AGBL4: variants seen among roughly 807,000 people sequenced by gnomAD.
AGBL4 encodes AGBL carboxypeptidase 4, also known as cytosolic carboxypeptidase 6.
Under a neutral mutation model 66.4 loss-of-function variants are expected in AGBL4, and 58 were observed. That is an observed-to-expected ratio of 0.87 (90% CI 0.71 to 1.09). AGBL4 has a LOEUF of 1.09. Ranked by LOEUF, AGBL4 falls within the 50% of genes least tolerant of loss-of-function variation. The probability of loss-of-function intolerance (pLI) is 0.00; values close to 1 mark genes in which losing one functional copy is unlikely to be tolerated. For synonymous variants in AGBL4, 234 were observed against 222.9 expected (o/e 1.05, Z -0.44); for missense variants, 579 against 631.0 (o/e 0.92, Z 0.88).
At position 48,933,871 on chromosome 1, in the gene AGBL4, C is replaced by A. The variant is rs577677005; in HGVS notation, c.595-66641G>T. Among the ~76,000 whole-genome samples the A allele has an allele frequency of 2.6e-5, 4 of 152,330 alleles. 1 individual carries two copies. Among genetic ancestry groups the A allele is most frequent in the East Asian group, 1.9e-4 (1 of 5,178 alleles). On this transcript the variant is annotated intron_variant, in intron 5 of 13. Transcript: ENST00000371839. ...GTTTGGGACAGTGAAAAGAGTTGGA[C>A]TTTCTTTGCTTAAGCTCTGCCCTGT...
chr1:49,147,959 A>C (rs1646252472), intron 4 of AGBL4, among the ~76,000 whole-genome samples: 1 of 152,134 alleles, frequency 6.6e-6, no homozygotes, highest in Non-Finnish European at 1.5e-5. Context: ...ATCTTTCTGC[A>C]TCCTCAGAGG....
At chr1:48,848,019 T>A (rs1646957541) in intron 6 of AGBL4, among the ~76,000 whole-genome samples, 1 of 152,214 alleles carries the variant, frequency 6.6e-6, no homozygotes, top group African/African-American at 2.4e-5. Context: ...TCCTGCTCCA[T>A]ACCCTCTTTC....
At chr1:48,924,460 C>T (rs987239295) in intron 5 of AGBL4, among the ~76,000 whole-genome samples, 38 of 152,216 alleles carry the variant, frequency 2.5e-4, no homozygotes, top group Admixed American at 2.3e-3. Flanking sequence ...CCATGTCTTG[C>T]TCATCTCTGT....
chr1:49,083,142 T>C (rs1255362858), intron 4 of AGBL4, among the ~76,000 whole-genome samples: 1 of 152,202 alleles, frequency 6.6e-6, no homozygotes, highest in African/African-American at 2.4e-5. Flanking sequence ...GTGTTGAGTG[T>C]CTACAGCTTT....
chr1:48,633,327 T>A (rs1175483307), intron 9 of AGBL4, among the ~76,000 whole-genome samples: 1 of 152,192 alleles, frequency 6.6e-6, no homozygotes, highest in Non-Finnish European at 1.5e-5. Flanking sequence ...TTCAGGAAAT[T>A]TTCACTGGCA....
intron 2 of AGBL4, among the ~76,000 whole-genome samples, chr1:49,754,457 A>G (rs1651732502): frequency 6.6e-6 from 1 of 152,006 alleles, no homozygotes; most frequent in Admixed American, 6.6e-5. Flanking sequence ...TTTCTTCTGC[A>G]AGTCTGCTGG....
At chr1:49,122,847 T>C (rs1237302376) in intron 4 of AGBL4, among the ~76,000 whole-genome samples, 2 of 152,072 alleles carry the variant, frequency 1.3e-5, no homozygotes, top group African/African-American at 4.8e-5. Context: ...AGCTACTATA[T>C]TGTTTGTTTG....
intron 6 of AGBL4, among the ~76,000 whole-genome samples, chr1:48,762,149 G>A (rs971108812): frequency 2.6e-5 from 4 of 152,190 alleles, no homozygotes; most frequent in Non-Finnish European, 4.4e-5. Flanking sequence ...GCTTGCCCAC[G>A]GCATGAGTCT....
rs373970203 is a variant in AGBL4, at chr1:49,668,074, A to G, written c.282+29239T>C. Among the ~76,000 whole-genome samples the G allele has an allele frequency of 3.3e-4, 50 of 152,324 alleles. 1 individual carries two copies. In the South Asian group the frequency reaches 9.5e-3, roughly 29 times the overall value. ...TTCAATAAATGGTAGTGTGGTTATT[A>G]TCTATTAGTTTATACAGCTGAGTGA... On this transcript the variant is annotated intron_variant, in intron 3 of 13. Coordinates refer to ENST00000371839, the MANE Select transcript of AGBL4 (RefSeq NM_032785.4).
chr1:48,523,103 C>A, the AGBL4 span, among the ~76,000 whole-genome samples: 3 of 152,050 alleles, frequency 2.0e-5, no homozygotes, highest in Admixed American at 2.0e-4. Flanking sequence ...TCACCTACTT[C>A]AACAGATTCC....
At position 49,622,628 on chromosome 1, in the gene AGBL4, C is replaced by CAA. The variant is rs71059557; in HGVS notation, c.282+74683_282+74684dup. ...TGGGCGACAGAGCGAGACTCCGTCT[C>CAA]AAAAAAAAAAAAAAAAAAAAAAAAA... On this transcript the variant is annotated intron_variant, in intron 3 of 13. Coordinates refer to ENST00000371839, the MANE Select transcript of AGBL4 (RefSeq NM_032785.4). Among the ~76,000 whole-genome samples the CAA allele has an allele frequency of 1.9e-3, 126 of 65,476 alleles. 6 individuals are homozygous for CAA. Among genetic ancestry groups the CAA allele is most frequent in the East Asian group, 0.011 (17 of 1,514 alleles). 43.0% of individuals were successfully genotyped at this position (65,476 alleles called of 152,430 possible).
chr1:49,390,112 T>C (rs1488813517), intron 3 of AGBL4, among the ~76,000 whole-genome samples: 1 of 152,150 alleles, frequency 6.6e-6, no homozygotes, highest in Non-Finnish European at 1.5e-5. Flanking sequence ...AAATAATGAT[T>C]ACACAGATGG....
At chr1:48,665,685 C>CA (rs1646175279) in intron 6 of AGBL4, among the ~76,000 whole-genome samples, 1 of 152,158 alleles carries the variant, frequency 6.6e-6, no homozygotes, top group African/African-American at 2.4e-5. Context: ...GCTGCATTTC[C>CA]ATTTACAATT....
At chr1:49,049,585 A>G (rs553277855) in intron 4 of AGBL4, among the ~76,000 whole-genome samples, 1 of 152,114 alleles carries the variant, frequency 6.6e-6, no homozygotes, top group South Asian at 2.1e-4. Flanking sequence ...AAGCAATGAA[A>G]AAAAGGGAAA....
rs546325146 is a variant in AGBL4 at position 49,574,327 on chromosome 1, C to A, written c.282+122986G>T. ...ACTCTGCTTTTAATGTTGCAGCTCA[C>A]GGAGTTAAAAAGAGGTTCTAACAGT... On this transcript the variant is annotated intron_variant, in intron 3 of 13. Coordinates refer to ENST00000371839, the MANE Select transcript of AGBL4 (RefSeq NM_032785.4). Among the ~76,000 whole-genome samples the A allele has an allele frequency of 3.2e-4, 49 of 152,166 alleles. 1 individual carries two copies. The highest frequency in any genetic ancestry group is 1.2e-3 in the African/African-American group (49 of 41,528).
chr1:49,511,439 A>G (rs1427483349), intron 3 of AGBL4, among the ~76,000 whole-genome samples: 1 of 114,886 alleles, frequency 8.7e-6, no homozygotes. Context: ...GGAACATCAC[A>G]CTCTGGGGAC....
At chr1:49,405,684 T>C (rs919806399) in intron 3 of AGBL4, among the ~76,000 whole-genome samples, 1 of 152,212 alleles carries the variant, frequency 6.6e-6, no homozygotes, top group Admixed American at 6.5e-5. Context: ...AGATTCTCTA[T>C]CTAAAACTTG....
intron 3 of AGBL4, among the ~76,000 whole-genome samples, chr1:49,436,052 A>T (rs961554353): frequency 6.6e-6 from 1 of 152,204 alleles, no homozygotes; most frequent in Non-Finnish European, 1.5e-5. Context: ...ATGATTAGAG[A>T]GGAGTTTCTG....
intron 5 of AGBL4, among the ~76,000 whole-genome samples, chr1:49,006,751 C>T (rs1167121468): frequency 6.6e-6 from 1 of 151,606 alleles, no homozygotes; most frequent in Non-Finnish European, 1.5e-5. Context: ...TGGGAGGCAC[C>T]CCCCAGCAGG....
Sources: gnomAD v4.1 joint callset for allele counts (sites outside exome capture counted in the v4.1 genomes callset) on GRCh38, gnomAD v4.1.1 for gene constraint, MANE v1.5 for transcripts, NCBI Gene and HGNC (gene_info 2026-07-23, HGNC 2026-07-21) for gene names.